STK32A: variants seen among roughly 807,000 people sequenced by gnomAD.
STK32A encodes serine/threonine-protein kinase 32A.
A neutral mutation model predicts 53.2 loss-of-function variants in STK32A; 41 were observed. The ratio of observed to expected loss-of-function variants is 0.77; its 90% CI spans 0.60 to 1.00. The LOEUF (loss-of-function observed/expected upper bound fraction) is 1.00. Ranked by LOEUF, STK32A falls within the 50% of genes least tolerant of loss-of-function variation. STK32A has a pLI of 0.00. For missense variants in STK32A, 458 were observed against 485.8 expected (o/e 0.94, Z 0.54); for synonymous variants, 166 against 162.8 (o/e 1.02, Z -0.15).
intron 4 of STK32A, among the ~76,000 whole-genome samples, 170 bp downstream of exon 4, chr5:147,279,568 A>G (rs1310996294): frequency 1.3e-5 from 2 of 152,180 alleles, no homozygotes; most frequent in Admixed American, 1.3e-4. Flanking sequence ...ACAGAGATTT[A>G]TTGCAAAGTG....
At chr5:147,398,983 G>A in the STK32A span, 1 of 1,485,152 alleles carries the variant, frequency 6.7e-7, no homozygotes, top group Non-Finnish European at 9.1e-7. Context: ...ACCCGTCCTA[G>A]TCTAACTACC....
chr5:147,303,783 C>T (rs1581064280), intron 4 of STK32A, among the ~76,000 whole-genome samples: 1 of 152,128 alleles, frequency 6.6e-6, no homozygotes, highest in East Asian at 1.9e-4. Flanking sequence ...GTTGTTTTGG[C>T]ATATGACCCT....
intron 5 of STK32A, among the ~76,000 whole-genome samples, chr5:147,333,966 A>G (rs1351848081): frequency 2.0e-5 from 3 of 152,174 alleles, no homozygotes; most frequent in African/African-American, 7.2e-5. Context: ...AAATAGGTAT[A>G]ATAACATTAT....
chr5:147,286,064 T>C (rs1322882089), intron 4 of STK32A, among the ~76,000 whole-genome samples: 1 of 152,128 alleles, frequency 6.6e-6, no homozygotes, highest in Non-Finnish European at 1.5e-5. Flanking sequence ...AACTGTGGTA[T>C]ATGTATACAT....
intron 4 of STK32A, among the ~76,000 whole-genome samples, chr5:147,288,612 G>A (rs991616010): frequency 5.3e-5 from 8 of 152,098 alleles, no homozygotes; most frequent in African/African-American, 1.9e-4. Flanking sequence ...CTCACATGGT[G>A]GGAGCAGGAG....
chr5:147,348,039 G>A (rs1244152784), intron 6 of STK32A, among the ~76,000 whole-genome samples: 1 of 152,134 alleles, frequency 6.6e-6, no homozygotes, highest in Admixed American at 6.5e-5. Context: ...TCAGTTCTTT[G>A]ATCTTGTGAT....
intron 2 of STK32A, among the ~76,000 whole-genome samples, chr5:147,246,504 C>A (rs1464018614): frequency 7.9e-5 from 12 of 152,150 alleles, no homozygotes; most frequent in Admixed American, 7.2e-4. Flanking sequence ...AAATCTCAGT[C>A]TTCTGCTATT....
chr5:147,358,124 C>T (rs146209135), intron 7 of STK32A, among the ~76,000 whole-genome samples: 2 of 151,660 alleles, frequency 1.3e-5, no homozygotes, highest in Non-Finnish European at 2.9e-5. Flanking sequence ...TTAATACCCA[C>T]GTTTAAAAAA....
At chr5:147,381,573 G>A (rs1200524758) in intron 11 of STK32A, among the ~76,000 whole-genome samples, 3 of 151,820 alleles carry the variant, frequency 2.0e-5, no homozygotes, top group African/African-American at 4.8e-5. Flanking sequence ...AACCCAAGAG[G>A]AGGAGGTTGC....
chr5:147,353,083 C>T (rs1756058877), intron 7 of STK32A, among the ~76,000 whole-genome samples: 1 of 152,172 alleles, frequency 6.6e-6, no homozygotes, highest in Non-Finnish European at 1.5e-5. Flanking sequence ...CCACCACAGA[C>T]CCCTAAAGAG....
At chr5:147,399,052 C>G in the STK32A span, 1 of 1,608,572 alleles carries the variant, frequency 6.2e-7, no homozygotes, top group South Asian at 1.1e-5. Context: ...ATTCTCCATT[C>G]TACTCCACTC....
intron 6 of STK32A, among the ~76,000 whole-genome samples, chr5:147,350,150 T>C (rs953200639): frequency 4.2e-5 from 6 of 143,950 alleles, no homozygotes; most frequent in African/African-American, 1.3e-4. Flanking sequence ...AAACCTAAAG[T>C]TAAACCCCGC....
intron 7 of STK32A, among the ~76,000 whole-genome samples, chr5:147,354,708 G>A (rs934483143): frequency 3.9e-5 from 6 of 152,104 alleles, no homozygotes; most frequent in South Asian, 2.1e-4. Flanking sequence ...TAATTTGGCC[G>A]AGATCACATG....
At chr5:147,296,592 C>G in intron 4 of STK32A, among the ~76,000 whole-genome samples, 1 of 151,970 alleles carries the variant, frequency 6.6e-6, no homozygotes, top group East Asian at 1.9e-4. Flanking sequence ...ATTTTTGCCT[C>G]TTAGTGTGCA....
At chr5:147,293,824 T>C (rs1411470490) in intron 4 of STK32A, among the ~76,000 whole-genome samples, 1 of 151,934 alleles carries the variant, frequency 6.6e-6, no homozygotes, top group Non-Finnish European at 1.5e-5. Context: ...TCTGTTTTTC[T>C]TTTTGAAGTT....
At chr5:147,348,811 A>C (rs1238717454) in intron 6 of STK32A, 4 of 718,154 alleles carry the variant, frequency 5.6e-6, no homozygotes, top group African/African-American at 5.2e-5. Flanking sequence ...TCAACAATTA[A>C]ACGCTTACTT....
chr5:147,388,229 T>C (rs1757722985), downstream of STK32A, among the ~76,000 whole-genome samples: 1 of 152,118 alleles, frequency 6.6e-6, no homozygotes, highest in Non-Finnish European at 1.5e-5. Context: ...CCATTCCATA[T>C]ACCAAAGCAG....
At chr5:147,321,032 T>C (rs1754288607) in intron 4 of STK32A, among the ~76,000 whole-genome samples, 1 of 152,228 alleles carries the variant, frequency 6.6e-6, no homozygotes, top group Non-Finnish European at 1.5e-5. Flanking sequence ...AACAGCCTAT[T>C]GCAATGGTCT....
intron 4 of STK32A, among the ~76,000 whole-genome samples, chr5:147,280,217 T>C (rs1751987740): frequency 6.6e-6 from 1 of 151,986 alleles, no homozygotes; most frequent in African/African-American, 2.4e-5. Context: ...CTAGCTGAAC[T>C]TGGTGACAAT....
Sources: gnomAD v4.1 joint callset for allele counts (sites outside exome capture counted in the v4.1 genomes callset) on GRCh38, gnomAD v4.1.1 for gene constraint, MANE v1.5 for transcripts, NCBI Gene and HGNC (gene_info 2026-07-23, HGNC 2026-07-21) for gene names.